The following FBXW11 variants were observed in gnomAD, a reference collection of about 807,000 sequenced individuals.
FBXW11 encodes the protein F-box/WD repeat-containing protein 11.
A neutral mutation model predicts 77.6 loss-of-function variants in FBXW11; 19 were observed. The ratio of observed to expected loss-of-function variants is 0.24; its 90% CI spans 0.17 to 0.36. The LOEUF (loss-of-function observed/expected upper bound fraction) is 0.36, where lower values mean the gene tolerates loss of function less well. Among genes scored for constraint, FBXW11 ranks in the 10% least tolerant of loss-of-function variants. The probability of loss-of-function intolerance (pLI) is 1.00; values close to 1 mark genes in which losing one functional copy is unlikely to be tolerated. For synonymous variants in FBXW11, 235 were observed against 249.4 expected (o/e 0.94, Z 0.54); for missense variants, 334 against 704.2 (o/e 0.47, Z 5.95).
At chr5:171,920,444 G>GC (rs1270552075) in intron 2 of FBXW11, among the ~76,000 whole-genome samples, 5 of 151,308 alleles carry the variant, frequency 3.3e-5, no homozygotes, top group African/African-American at 1.2e-4. Flanking sequence ...ACCCTGAAGG[G>GC]CTGGGCACAG....
In FBXW11 at chr5:171,926,540, C is replaced by T. The variant is rs1330079075; in HGVS notation, c.148-12135G>A. On this transcript the variant is annotated intron_variant, in intron 2 of 13. Transcript: ENST00000517395. The stretch of plus-strand genomic sequence containing the variant: ...CGTGGCATGAGTGAGTGAGTTCTCA[C>T]GAGACCTGATTGTTTAAAAGTAGCA... 2.0e-5 allele frequency among the ~76,000 whole-genome samples: 3 copies of T among 152,110 alleles called. No homozygotes were observed. The South Asian group carries it at 6.2e-4, about 32-fold the overall frequency.
At chr5:171,882,126 T>C (rs1223607877) in intron 7 of FBXW11, among the ~76,000 whole-genome samples, 1 of 152,246 alleles carries the variant, frequency 6.6e-6, no homozygotes, top group Non-Finnish European at 1.5e-5. Context: ...TTTAAACTGT[T>C]CTTTTTCTAG....
At chr5:172,000,055 A>C (rs1372232199) in intron 1 of FBXW11, among the ~76,000 whole-genome samples, 1 of 152,222 alleles carries the variant, frequency 6.6e-6, no homozygotes, top group African/African-American at 2.4e-5. Context: ...TTGCCTACAA[A>C]GACAAACTTC....
At chr5:171,939,696 C>CAAAAAAAAAAAAAAAAA in intron 2 of FBXW11, among the ~76,000 whole-genome samples, 1 of 80,062 alleles carries the variant, frequency 1.2e-5, no homozygotes, top group East Asian at 3.8e-4. Flanking sequence ...GACCCTGTCT[C>CAAAAAAAAAAAAAAAAA]AAAAAAAAAA....
At chr5:171,890,032 C>T (rs1436485415) in intron 7 of FBXW11, among the ~76,000 whole-genome samples, 1 of 151,784 alleles carries the variant, frequency 6.6e-6, no homozygotes, top group Non-Finnish European at 1.5e-5. Flanking sequence ...AACAAAGAAC[C>T]CATTTTAAAA....
rs1248909179 is a variant in FBXW11, at chr5:171,872,933, T to C, written c.1279A>G (p.Ile427Val). Residue 427 changes from isoleucine to valine, a missense_variant, in exon 10 of 14, where the codon ATT becomes GTT. Coordinates refer to ENST00000517395, the MANE Select transcript of FBXW11 (RefSeq NM_001378974.1). ...VRTLNGHKRGIACLQYRDRLV... is the reference protein window; with the variant it reads ...VRTLNGHKRGVACLQYRDRLV... ...CGATCCCTGTACTGGAGACAGGCAA[T>C]GCCCCGCTTGTGCCCATTGAGAGTA... The C allele has an allele frequency of 6.2e-7, 1 of 1,614,138 alleles. No individual in the cohort carries two copies.
At chr5:171,912,057 T>A (rs777261652) in intron 3 of FBXW11, among the ~76,000 whole-genome samples, 54 of 152,226 alleles carry the variant, frequency 3.5e-4, no homozygotes, top group Non-Finnish European at 7.3e-4. Flanking sequence ...GAGTCTTACA[T>A]GGAATGAACC....
intron 1 of FBXW11, among the ~76,000 whole-genome samples, chr5:171,992,340 T>C (rs1765785876): frequency 6.6e-6 from 1 of 151,580 alleles, no homozygotes; most frequent in South Asian, 2.1e-4. Flanking sequence ...GGTGGGAGAA[T>C]CGCTTGAACC....
intron 1 of FBXW11, among the ~76,000 whole-genome samples, chr5:171,964,953 T>C (rs1764104040): frequency 6.6e-6 from 1 of 152,202 alleles, no homozygotes; most frequent in Non-Finnish European, 1.5e-5. Context: ...AATTATGTTC[T>C]TGTCATAATA....
At chr5:171,899,817 G>A in intron 5 of FBXW11, 97 bp downstream of exon 5, 2 of 1,083,702 alleles carry the variant, frequency 1.8e-6, no homozygotes, top group Non-Finnish European at 1.3e-6. Context: ...TTAAAAATAG[G>A]CCAGCACATT....
At chr5:171,907,551 T>G (rs761138091) in intron 4 of FBXW11, among the ~76,000 whole-genome samples, 1 of 152,166 alleles carries the variant, frequency 6.6e-6, no homozygotes, top group African/African-American at 2.4e-5. Flanking sequence ...CACAATCAAC[T>G]TGGCCAGCTC....
chr5:171,889,035 T>C (rs1173901713), intron 7 of FBXW11, among the ~76,000 whole-genome samples: 1 of 152,184 alleles, frequency 6.6e-6, no homozygotes, highest in Non-Finnish European at 1.5e-5. Context: ...ATAGTATTTA[T>C]GTGATTAGAG....
chr5:171,975,776 G>T (rs1262996906), intron 1 of FBXW11, among the ~76,000 whole-genome samples: 1 of 152,098 alleles, frequency 6.6e-6, no homozygotes, highest in Non-Finnish European at 1.5e-5. Context: ...ATTTTGGCAG[G>T]ATGACAAGAG....
At chr5:171,944,063 TAA>T (rs995485826) in intron 2 of FBXW11, among the ~76,000 whole-genome samples, 8 of 152,012 alleles carry the variant, frequency 5.3e-5, no homozygotes, top group Admixed American at 4.6e-4. Context: ...TAATTAAGAA[TAA>T]AGACTCTAAG....
rs1198291885 is a variant in FBXW11 at position 171,956,740 on chromosome 5, AATTTAAT to A, written c.147+850_147+856del. ...AGGACAGTCTCAACCAGATGCCAGG[AATTTAAT>A]ATGGCTTTTCAAAGATATATCAAAC... On this transcript the variant is annotated intron_variant, in intron 2 of 13. Coordinates refer to ENST00000517395, the MANE Select transcript of FBXW11 (RefSeq NM_001378974.1). 2.0e-5 allele frequency among the ~76,000 whole-genome samples: 3 copies of A among 152,254 alleles called. No homozygotes were observed. In the East Asian group the frequency reaches 5.8e-4, roughly 29 times the overall value.
chr5:171,882,749 T>C (rs748199519), intron 7 of FBXW11, among the ~76,000 whole-genome samples: 6 of 152,184 alleles, frequency 3.9e-5, no homozygotes, highest in Non-Finnish European at 5.9e-5. Flanking sequence ...TGTGGTATGA[T>C]TGGACATTGT....
chr5:171,976,769 G>A (rs1008240687), intron 1 of FBXW11, among the ~76,000 whole-genome samples: 9 of 152,022 alleles, frequency 5.9e-5, no homozygotes, highest in South Asian at 4.2e-4. Context: ...TCTCTGGGCC[G>A]GGTGTGGTCG....
intron 2 of FBXW11, among the ~76,000 whole-genome samples, chr5:171,936,304 C>A (rs2113125991): frequency 1.3e-5 from 2 of 151,532 alleles, no homozygotes; most frequent in South Asian, 2.1e-4. Context: ...ACCAGCTAGG[C>A]AACACAGCAA....
intron 2 of FBXW11, among the ~76,000 whole-genome samples, chr5:171,927,502 C>T (rs1001629071): frequency 5.9e-5 from 9 of 152,072 alleles, no homozygotes; most frequent in African/African-American, 2.2e-4. Context: ...AGAAAATACA[C>T]AAATGAAGTT....
Sources: allele counts gnomAD v4.1 joint callset (sites outside exome capture counted in the v4.1 genomes callset), GRCh38; gene constraint gnomAD v4.1.1; transcripts MANE v1.5; gene names NCBI Gene and HGNC (gene_info 2026-07-23, HGNC 2026-07-21).